The following THADA variants were observed in gnomAD, a reference collection of about 807,000 sequenced individuals.
The protein encoded by THADA is tRNA (32-2'-O)-methyltransferase regulator THADA.
In THADA, 213 loss-of-function variants were observed where a neutral mutation model predicts 219.8. The ratio of observed to expected loss-of-function variants is 0.97; its 90% CI spans 0.87 to 1.09. THADA has a LOEUF of 1.09. Ranked by LOEUF, THADA falls within the 50% of genes least tolerant of loss-of-function variation. The pLI is 0.00. For missense variants in THADA, 2,956 were observed against 2,311.3 expected (o/e 1.28, Z -5.72); for synonymous variants, 1,018 against 828.9 (o/e 1.23, Z -3.92).
chr2:43,514,571 CAT>C (rs1478376448), intron 22 of THADA, among the ~76,000 whole-genome samples: 4 of 103,664 alleles, frequency 3.9e-5, no homozygotes, highest in Admixed American at 1.1e-4. Context: ...ATATACATAA[CAT>C]ATATGTATAT....
chr2:43,414,159 G>A (rs1365716176), intron 28 of THADA, among the ~76,000 whole-genome samples: 1 of 152,218 alleles, frequency 6.6e-6, no homozygotes, highest in Non-Finnish European at 1.5e-5. Context: ...ATGATTGGAT[G>A]AGGTCCAACT....
At chr2:43,572,558 G>T (rs79983101) in intron 12 of THADA, among the ~76,000 whole-genome samples, 1 of 152,104 alleles carries the variant, frequency 6.6e-6, no homozygotes, top group Non-Finnish European at 1.5e-5. Context: ...GGCACATGAT[G>T]GCATGCTTGT....
At position 43,280,022 on chromosome 2, in the gene THADA, G is replaced by T. The variant is rs138580955; in HGVS notation, c.5165-126C>A. Reference sequence around the variant, plus strand: ...GTTACAGCTATCTCTTTTTTTCTGGGTATTGTTAAGATAGAAAGAGTGTTA... The same window carrying T: ...GTTACAGCTATCTCTTTTTTTCTGGTTATTGTTAAGATAGAAAGAGTGTTA... On this transcript the variant is annotated intron_variant, in intron 35 of 37. Transcript: ENST00000405975. 5.2e-6 allele frequency: 5 copies of T among 961,900 alleles called. No homozygotes were observed. The East Asian group carries it at 1.6e-4, about 31-fold the overall frequency. 59.6% of individuals were successfully genotyped at this position (961,900 alleles called of 1,614,324 possible). A position where few individuals can be genotyped will look rare whatever the true frequency, so the allele number is the denominator to read the frequency against.
intron 22 of THADA, 59 bp from the exon 23 acceptor site, chr2:43,508,839 T>A: frequency 6.5e-7 from 1 of 1,534,568 alleles, no homozygotes; most frequent in Non-Finnish European, 9.0e-7. Flanking sequence ...AAGTACAAAC[T>A]ATTGATGCAC....
intron 36 of THADA, among the ~76,000 whole-genome samples, chr2:43,234,427 C>G (rs1280217668): frequency 2.0e-5 from 3 of 152,160 alleles, no homozygotes; most frequent in Non-Finnish European, 2.9e-5. Context: ...TCCCCGTTCC[C>G]CATGCTGCTT....
rs757240727 is a variant in THADA at position 43,571,875 on chromosome 2, A to G, written c.1909-13T>C. 1 of 1,609,572 alleles carries G rather than the reference A, an allele frequency of 6.2e-7. No individual in the cohort carries two copies. The highest frequency in any genetic ancestry group is 1.1e-5 in the South Asian group (1 of 90,738). ...TATCTATCCTTACCTAAAAAACATC[A>G]AGCAATAAAATGTTAATTTTCCAAG... On this transcript the variant is annotated splice_polypyrimidine_tract_variant and intron_variant, in intron 12 of 37. Coordinates refer to ENST00000405975, the MANE Select transcript of THADA (RefSeq NM_022065.5).
At chr2:43,576,996 T>C (rs535860666) in intron 10 of THADA, 26 bp downstream of exon 10, 68 of 1,589,280 alleles carry the variant, frequency 4.3e-5, no homozygotes, top group Non-Finnish European at 5.2e-5. Context: ...TGAAACAAAA[T>C]ATGAGACGAT....
At chr2:43,495,407 A>G (rs1219667689) in intron 25 of THADA, among the ~76,000 whole-genome samples, 1 of 152,130 alleles carries the variant, frequency 6.6e-6, no homozygotes, top group Non-Finnish European at 1.5e-5. Context: ...ACATTTATAT[A>G]TATTTATGCA....
intron 32 of THADA, among the ~76,000 whole-genome samples, chr2:43,292,526 C>G (rs13021646): frequency 6.6e-6 from 1 of 152,160 alleles, no homozygotes; most frequent in African/African-American, 2.4e-5. Context: ...CAAAGACTAC[C>G]TCTGACACAC....
chr2:43,541,347 C>G, intron 20 of THADA, 31 bp from the exon 21 acceptor site: 1 of 1,609,422 alleles, frequency 6.2e-7, no homozygotes, highest in Non-Finnish European at 8.5e-7. Flanking sequence ...ACGATTGCAA[C>G]CTTGATTACT....
chr2:43,560,993 C>T (rs567266129), intron 15 of THADA, among the ~76,000 whole-genome samples: 53 of 139,172 alleles, frequency 3.8e-4, no homozygotes, highest in South Asian at 3.2e-3. Flanking sequence ...CTCCAGCCTG[C>T]GCAACAGAGT....
chr2:43,405,097 G>C (rs753967704), intron 28 of THADA, among the ~76,000 whole-genome samples: 25 of 152,338 alleles, frequency 1.6e-4, no homozygotes, highest in Admixed American at 1.1e-3. Flanking sequence ...AAATGAGCTG[G>C]AAAGGAGAGG....
In THADA at chr2:43,549,295, G is replaced by A; in HGVS notation, c.3021C>T (p.Ala1007=). ...AGCTATCATGTTCTTTCAATATTTT[G>A]GCTTGGTTAAAATAATCATTAGTAT... The part of the protein sequence containing the change: ...PRDTNDYFNQ[A]KILKEHDSFD... The change falls in exon 20 of 38, where the codon GCC becomes GCT. Residue 1007 remains alanine, a synonymous_variant. Transcript: ENST00000405975. 1 of 1,599,472 alleles carries A rather than the reference G, an allele frequency of 6.3e-7. No individual in the cohort carries two copies. Among genetic ancestry groups the A allele is most frequent in the Non-Finnish European group, 8.5e-7 (1 of 1,173,066 alleles).
At chr2:43,489,249 T>C (rs905434748) in intron 25 of THADA, among the ~76,000 whole-genome samples, 13 of 152,320 alleles carry the variant, frequency 8.5e-5, no homozygotes, top group Admixed American at 2.0e-4. Context: ...GGTGTAATCA[T>C]AGCTCACTGC....
chr2:43,257,454 G>C (rs1173899956), intron 36 of THADA, among the ~76,000 whole-genome samples: 2 of 152,208 alleles, frequency 1.3e-5, no homozygotes, highest in Non-Finnish European at 2.9e-5. Context: ...ATTCCAAAAG[G>C]CTGGGCTTCG....
intron 26 of THADA, among the ~76,000 whole-genome samples, chr2:43,467,097 G>C (rs986498173): frequency 5.4e-5 from 8 of 147,808 alleles, no homozygotes; most frequent in African/African-American, 2.0e-4. Flanking sequence ...CAGGAGAATG[G>C]CGTGAACCCG....
chr2:43,570,395 T>G lies in THADA; in HGVS notation c.2180A>C (p.Gln727Pro). The G allele has an allele frequency of 6.2e-7, 1 of 1,610,996 alleles. No individual in the cohort carries two copies. ...TAGAAATATATCACCTACCTTATAC[T>G]GCTGTAAAGAAACAGAAGGGTGCTG... ...TKQHPSVSLQ[Q>P]YKNFMSSICN... Residue 727 changes from glutamine to proline, a missense_variant, in exon 14 of 38, where the codon CAG (glutamine) becomes CCG (proline). Transcript: ENST00000405975.
intron 31 of THADA, among the ~76,000 whole-genome samples, chr2:43,309,866 T>A (rs977677764): frequency 3.3e-5 from 5 of 152,212 alleles, no homozygotes; most frequent in Non-Finnish European, 4.4e-5. Flanking sequence ...TGTTCAGTAA[T>A]GTTGCAGGAT....
Position 43,432,136 on chromosome 2 carries a change from G to T in THADA, c.3837-1834C>A, listed in dbSNP as rs1021816827. On this transcript the variant is annotated intron_variant, in intron 26 of 37. Coordinates refer to ENST00000405975, the MANE Select transcript of THADA (RefSeq NM_022065.5). ...CTCCCAAAGTGCTGGGATTACAGGC[G>T]TGAGCCACCGCGCCCGGCCAATTTT... 2.1e-5 allele frequency among the ~76,000 whole-genome samples: 3 copies of T among 141,604 alleles called. 1 individual carries two copies. Among genetic ancestry groups the T allele is most frequent in the African/African-American group, 5.8e-5 (2 of 34,252 alleles). The allele number at this position is 141,604 out of a possible 152,430, so 92.9% of individuals were successfully genotyped here. A position where few individuals can be genotyped will look rare whatever the true frequency, so the allele number is the denominator to read the frequency against.
Sources: gnomAD v4.1 joint callset for allele counts (sites outside exome capture counted in the v4.1 genomes callset) on GRCh38, gnomAD v4.1.1 for gene constraint, MANE v1.5 for transcripts, NCBI Gene and HGNC (gene_info 2026-07-23, HGNC 2026-07-21) for gene names.